The following LEKR1 variants were observed in gnomAD, a reference collection of about 807,000 sequenced individuals.
LEKR1 encodes protein LEKR1.
A neutral mutation model predicts 72.4 loss-of-function variants in LEKR1; 59 were observed. The observed-to-expected ratio is 0.82, with a 90% CI of 0.66 to 1.01. LEKR1 has a LOEUF of 1.01. Among genes scored for constraint, LEKR1 ranks in the 50% least tolerant of loss-of-function variants. The pLI is 0.00. For missense variants in LEKR1, 728 were observed against 759.2 expected (o/e 0.96, Z 0.48); for synonymous variants, 257 against 263.2 (o/e 0.98, Z 0.23).
intron 6 of LEKR1, among the ~76,000 whole-genome samples, chr3:156,954,246 G>A (rs527957516): frequency 6.6e-6 from 1 of 151,656 alleles, no homozygotes; most frequent in Non-Finnish European, 1.5e-5. Flanking sequence ...TAAGTTTCTT[G>A]TAGACTCTGG....
intron 9 of LEKR1, among the ~76,000 whole-genome samples, chr3:157,004,369 A>G (rs1421918352): frequency 6.6e-6 from 1 of 152,200 alleles, no homozygotes; most frequent in Non-Finnish European, 1.5e-5. Flanking sequence ...GCAAATTCAC[A>G]ATTATTGTTA....
At chr3:156,968,036 G>A (rs1728793542) in intron 6 of LEKR1, among the ~76,000 whole-genome samples, 1 of 152,092 alleles carries the variant, frequency 6.6e-6, no homozygotes. Context: ...AGCTTCATAA[G>A]TGAAGGAGAA....
chr3:157,017,948 C>CAAAAAAAAAAAAAAAAAAAAAAAAAAAA (rs58950224), intron 10 of LEKR1, among the ~76,000 whole-genome samples: 2 of 82,976 alleles, frequency 2.4e-5, no homozygotes, highest in African/African-American at 1.4e-4. Context: ...GACTCTGTCT[C>CAAAAAAAAAAAAAAAAAAAAAAAAAAAA]AAAAAAAAAA....
At chr3:156,835,593 C>T (rs1357399911) in intron 2 of LEKR1, among the ~76,000 whole-genome samples, 1 of 152,208 alleles carries the variant, frequency 6.6e-6, no homozygotes, top group African/African-American at 2.4e-5. Context: ...TGTAATCAGT[C>T]CATTCCCCAA....
chr3:156,836,905 C>CTG (rs1576632871), intron 2 of LEKR1, among the ~76,000 whole-genome samples: 1 of 152,348 alleles, frequency 6.6e-6, no homozygotes, highest in East Asian at 1.9e-4. Flanking sequence ...AGCTACTGAG[C>CTG]TACAGCATGG....
At position 156,901,636 on chromosome 3, in the gene LEKR1, C is replaced by T. The variant is rs572136342; in HGVS notation, c.264-18939C>T. ...TCCTCGTACTGAACCAGTTGCTTCA[C>T]ATCTAAAAATGGAAGAATGGAAAAT... On this transcript the variant is annotated intron_variant, in intron 3 of 12. Transcript: ENST00000356539. 1.1e-3 allele frequency among the ~76,000 whole-genome samples: 169 copies of T among 152,266 alleles called. No homozygotes were observed. The Middle Eastern group carries it at 0.017, about 15-fold the overall frequency.
intron 2 of LEKR1, among the ~76,000 whole-genome samples, chr3:156,832,945 T>C (rs1576626103): frequency 6.6e-6 from 1 of 152,216 alleles, no homozygotes; most frequent in African/African-American, 2.4e-5. Flanking sequence ...ATTGAACTTA[T>C]GCAAAAAACT....
chr3:156,993,337 T>C, intron 9 of LEKR1, 60 bp downstream of exon 9: 1 of 1,064,262 alleles, frequency 9.4e-7, no homozygotes, highest in Non-Finnish European at 1.4e-6. Flanking sequence ...ATTCCATATA[T>C]ATTTGCAACA....
Position 156,920,622 on chromosome 3 carries a change from A to G in LEKR1, c.311A>G (p.Gln104Arg). 1 of 1,462,030 alleles carries G rather than the reference A, an allele frequency of 6.8e-7. No individual in the cohort carries two copies. The highest frequency in any genetic ancestry group is 9.2e-7 in the Non-Finnish European group (1 of 1,085,772). The allele number at this position is 1,462,030 out of a possible 1,614,324, so 90.6% of individuals were successfully genotyped here. The change falls in exon 4 of 13, where the codon CAG becomes CGG. Residue 104 changes from glutamine (Q) to arginine (R), a missense_variant. Physicochemically the swap from Gln to Arg is conservative, Grantham distance 43. Coordinates refer to ENST00000356539, the MANE Select transcript of LEKR1 (RefSeq NM_001004316.3). ...MQLKSQQNEF[Q>R]KVKKQLSHLQ... ...TTAAAAAGTCAACAAAATGAATTTC[A>G]GAAAGTAAAGAAACAACTGAGTCAT...
At chr3:156,866,870 T>A (rs565463867) in intron 3 of LEKR1, among the ~76,000 whole-genome samples, 1 of 152,166 alleles carries the variant, frequency 6.6e-6, no homozygotes, top group East Asian at 1.9e-4. Context: ...CACCCAACTC[T>A]ATGCACCCTG....
At chr3:156,859,373 A>G (rs1297573637) in intron 3 of LEKR1, among the ~76,000 whole-genome samples, 1 of 152,188 alleles carries the variant, frequency 6.6e-6, no homozygotes, top group Non-Finnish European at 1.5e-5. Flanking sequence ...CTAACACTGG[A>G]TTAAAAAAAT....
intron 9 of LEKR1, among the ~76,000 whole-genome samples, chr3:157,008,583 C>A (rs1249117496): frequency 6.6e-6 from 1 of 152,120 alleles, no homozygotes; most frequent in Admixed American, 6.6e-5. Flanking sequence ...CAGAGAAAAC[C>A]ACCAGCCTGC....
chr3:157,006,447 T>G (rs867195099), intron 9 of LEKR1, among the ~76,000 whole-genome samples: 2 of 152,254 alleles, frequency 1.3e-5, no homozygotes, highest in African/African-American at 4.8e-5. Flanking sequence ...AGTTTGGACG[T>G]TTCTTTAAAA....
chr3:156,914,853 T>C (rs1384294167), intron 3 of LEKR1, among the ~76,000 whole-genome samples: 1 of 152,104 alleles, frequency 6.6e-6, no homozygotes. Context: ...TAAACTTGTG[T>C]ATGGGGGTTT....
At chr3:156,829,179 C>T in intron 1 of LEKR1, 107 bp from the exon 2 acceptor site, 1 of 561,402 alleles carries the variant, frequency 1.8e-6, no homozygotes, top group South Asian at 2.4e-5. Context: ...TCTGTTGAAA[C>T]AGTTATCACC....
chr3:156,850,699 A>T (rs1251631602), intron 2 of LEKR1, among the ~76,000 whole-genome samples: 2 of 152,200 alleles, frequency 1.3e-5, no homozygotes, highest in Non-Finnish European at 2.9e-5. Context: ...GGCTCATACC[A>T]GCTTGGGCTT....
At chr3:156,847,050 C>T (rs1714699863) in intron 2 of LEKR1, among the ~76,000 whole-genome samples, 1 of 152,038 alleles carries the variant, frequency 6.6e-6, no homozygotes, top group African/African-American at 2.4e-5. Context: ...TCAAGCAATC[C>T]ACCTACCTCG....
Position 157,046,040 on chromosome 3 carries a change from G to A in LEKR1, c.*290G>A, listed in dbSNP as rs1385304889. The A allele has an allele frequency of 7.1e-6, 2 of 281,116 alleles. No individual in the cohort carries two copies. The highest frequency in any genetic ancestry group is 6.6e-6 in the Non-Finnish European group (1 of 151,250). The allele number at this position is 281,116 out of a possible 1,614,324, so 17.4% of individuals were successfully genotyped here. A position where few individuals can be genotyped will look rare whatever the true frequency, so the allele number is the denominator to read the frequency against. On this transcript the variant is annotated 3_prime_UTR_variant, in exon 13 of 13. Coordinates refer to ENST00000356539, the MANE Select transcript of LEKR1 (RefSeq NM_001004316.3). ...TGAATATAGCCTTTTAGAGATCACA[G>A]GTAAAATTTTTCACCCATAACATCT... is the stretch of plus-strand genomic sequence containing the variant.
chr3:157,023,334 G>T (rs1415069810), intron 10 of LEKR1, among the ~76,000 whole-genome samples: 1 of 152,120 alleles, frequency 6.6e-6, no homozygotes, highest in African/African-American at 2.4e-5. Flanking sequence ...TCTTGTTTCA[G>T]TAGGCAGAGC....
Sources: allele counts gnomAD v4.1 joint callset (sites outside exome capture counted in the v4.1 genomes callset), GRCh38; gene constraint gnomAD v4.1.1; transcripts MANE v1.5; gene names NCBI Gene and HGNC (gene_info 2026-07-23, HGNC 2026-07-21).